Variants in USP34 observed in about 807,000 individuals in gnomAD.
The protein encoded by USP34 is ubiquitin specific peptidase 34.
Under a neutral mutation model 460.3 loss-of-function variants are expected in USP34, and 70 were observed. The observed-to-expected ratio is 0.15, with a 90% CI of 0.13 to 0.19. The LOEUF (loss-of-function observed/expected upper bound fraction) is 0.19, where lower values mean the gene tolerates loss of function less well. Ranked by LOEUF, USP34 falls within the 10% of genes least tolerant of loss-of-function variation. The pLI is 1.00. For synonymous variants in USP34, 1,647 were observed against 1,405.3 expected (o/e 1.17, Z -3.85); for missense variants, 3,985 against 4,236.2 (o/e 0.94, Z 1.65).
intron 58 of USP34, 72 bp from the exon 59 acceptor site, chr2:61,229,705 T>A: frequency 7.6e-7 from 1 of 1,307,264 alleles, no homozygotes; most frequent in Non-Finnish European, 1.1e-6. Flanking sequence ...TTAACATGAT[T>A]CAAAATTCTC....
chr2:61,328,794 A>C (rs908057177), intron 20 of USP34, among the ~76,000 whole-genome samples: 1 of 152,214 alleles, frequency 6.6e-6, no homozygotes, highest in Non-Finnish European at 1.5e-5. Flanking sequence ...TTTGATACTT[A>C]ACGTTGGACT....
intron 68 of USP34, among the ~76,000 whole-genome samples, chr2:61,213,810 A>C (rs1402329201): frequency 6.6e-6 from 1 of 152,218 alleles, no homozygotes; most frequent in African/African-American, 2.4e-5. Flanking sequence ...CAAAACCACA[A>C]ATTAAAAAAC....
At chr2:61,388,660 G>T (rs968240242) in intron 5 of USP34, among the ~76,000 whole-genome samples, 6 of 152,004 alleles carry the variant, frequency 3.9e-5, no homozygotes, top group South Asian at 2.1e-4. Flanking sequence ...GGAGGCTGAT[G>T]CAAGAGAATG....
chr2:61,382,383 T>C (rs187856511), intron 6 of USP34, among the ~76,000 whole-genome samples: 1 of 152,322 alleles, frequency 6.6e-6, no homozygotes, highest in East Asian at 1.9e-4. Context: ...GTTTGTGTCA[T>C]ATGCCAACTT....
intron 5 of USP34, 119 bp from the exon 6 acceptor site, chr2:61,383,455 A>G: frequency 1.6e-6 from 1 of 627,072 alleles, no homozygotes; most frequent in Non-Finnish European, 2.6e-6. Flanking sequence ...CTGTAATCCC[A>G]GCACTTTGGG....
At chr2:61,256,277 T>C (rs1688722845) in intron 48 of USP34, 107 bp downstream of exon 48, 5 of 1,016,288 alleles carry the variant, frequency 4.9e-6, no homozygotes, top group Non-Finnish European at 7.4e-6. Context: ...TGCAGCTGAT[T>C]TTACCTTCAT....
At chr2:61,468,105 T>C (rs1401656656) in intron 1 of USP34, among the ~76,000 whole-genome samples, 2 of 152,198 alleles carry the variant, frequency 1.3e-5, no homozygotes, top group African/African-American at 2.4e-5. Flanking sequence ...TGCTCCATCA[T>C]AGCCACGGAT....
rs767388075 is a variant in USP34 at position 61,295,035 on chromosome 2, A to G, written c.4378-3T>C. 1.9e-5 allele frequency: 31 copies of G among 1,610,276 alleles called. No homozygotes were observed. In the African/African-American group the frequency reaches 3.6e-4, roughly 19 times the overall value. On this transcript the variant is annotated splice_polypyrimidine_tract_variant and splice_region_variant and intron_variant, in intron 31 of 79. Coordinates refer to ENST00000398571, the MANE Select transcript of USP34 (RefSeq NM_014709.4). The stretch of plus-strand genomic sequence containing the variant: ...GGATAAAGATCACTGTAACTTCCCT[A>G]TGAGAAAGGCAAAAAAAGTAAGGCA...
In USP34 at chr2:61,342,775, T is replaced by C. The variant is rs146608416; in HGVS notation, c.2500+1040A>G. On this transcript the variant is annotated intron_variant, in intron 16 of 79. Coordinates refer to ENST00000398571, the MANE Select transcript of USP34 (RefSeq NM_014709.4). ...GCATTAACATATACTATCATTTTAT[T>C]CTGTCTACAATGGGTTGTGAAAAGA... Among the ~76,000 whole-genome samples, 946 of 152,316 alleles carry C rather than the reference T, an allele frequency of 6.2e-3. 5 individuals carry two copies. The highest frequency in any genetic ancestry group is 1.0e-2 in the Non-Finnish European group (680 of 68,028).
chr2:61,462,697 C>A (rs868089963), intron 1 of USP34, among the ~76,000 whole-genome samples: 1 of 151,858 alleles, frequency 6.6e-6, no homozygotes, highest in Admixed American at 6.6e-5. Flanking sequence ...CCCATCTCTA[C>A]TAAATATACA....
In USP34 at chr2:61,396,272, A is replaced by G. The variant is rs370674902; in HGVS notation, c.553-1039T>C. Among the ~76,000 whole-genome samples the G allele has an allele frequency of 1.8e-4, 27 of 152,326 alleles. 1 individual carries two copies. In the East Asian group the frequency reaches 4.6e-3, roughly 26 times the overall value. On this transcript the variant is annotated intron_variant, in intron 3 of 79. Coordinates refer to ENST00000398571, the MANE Select transcript of USP34 (RefSeq NM_014709.4). Reference sequence around the variant, plus strand: ...GCACAGTTATCCATTGTTGGTGAGTATAAGTTCGTATGAACTTTTTGGAAG... The same window carrying G: ...GCACAGTTATCCATTGTTGGTGAGTGTAAGTTCGTATGAACTTTTTGGAAG...
intron 59 of USP34, 152 bp downstream of exon 59, chr2:61,229,396 C>T (rs1039678267): frequency 3.1e-5 from 15 of 478,990 alleles, no homozygotes; most frequent in Non-Finnish European, 4.4e-5. Context: ...CCGAGGCGGG[C>T]GGATCATTTG....
intron 3 of USP34, among the ~76,000 whole-genome samples, chr2:61,405,432 T>TA (rs1289069073): frequency 5.3e-5 from 8 of 152,124 alleles, no homozygotes; most frequent in African/African-American, 1.2e-4. Flanking sequence ...TTAAGAGTCA[T>TA]AAAATAAGCA....
chr2:61,220,151 T>TTAA (rs1491296706), intron 67 of USP34, 159 bp downstream of exon 67: 10 of 169,412 alleles, frequency 5.9e-5, no homozygotes, highest in South Asian at 1.5e-4. Context: ...TTTCCTATCC[T>TTAA]AAAAAAAAAA....
chr2:61,411,228 C>A (rs1027591814), intron 2 of USP34, among the ~76,000 whole-genome samples: 1 of 151,276 alleles, frequency 6.6e-6, no homozygotes. Flanking sequence ...CAAAAAAAAA[C>A]AAAGTTAGGC....
chr2:61,291,867 CAT>C (rs1689862688), intron 33 of USP34, among the ~76,000 whole-genome samples: 1 of 152,112 alleles, frequency 6.6e-6, no homozygotes, highest in South Asian at 2.1e-4. Flanking sequence ...AATGGATAAA[CAT>C]GTAATATAAT....
chr2:61,436,547 A>G (rs969753982), intron 1 of USP34, among the ~76,000 whole-genome samples: 1 of 152,234 alleles, frequency 6.6e-6, no homozygotes, highest in Non-Finnish European at 1.5e-5. Flanking sequence ...CAGAGGACCC[A>G]GATATACAAC....
intron 51 of USP34, 32 bp from the exon 52 acceptor site, chr2:61,241,851 G>GA: frequency 2.5e-6 from 3 of 1,187,850 alleles, no homozygotes; most frequent in Non-Finnish European, 3.5e-6. Flanking sequence ...TTACTTCTTT[G>GA]AAAAAATGGG....
At chr2:61,425,970 T>C (rs1473417407) in intron 1 of USP34, among the ~76,000 whole-genome samples, 1 of 152,026 alleles carries the variant, frequency 6.6e-6, no homozygotes, top group East Asian at 1.9e-4. Context: ...CTCAGAGTCA[T>C]GAGGTCCCCT....
Sources: gnomAD v4.1 joint callset for allele counts (sites outside exome capture counted in the v4.1 genomes callset) on GRCh38, gnomAD v4.1.1 for gene constraint, MANE v1.5 for transcripts, NCBI Gene and HGNC (gene_info 2026-07-23, HGNC 2026-07-21) for gene names.